PTPRC: variants seen among roughly 807,000 people sequenced by gnomAD.
The protein encoded by PTPRC is receptor-type tyrosine-protein phosphatase C.
PTPRC carries 44 observed loss-of-function variants against 155.9 expected under a neutral mutation model. The ratio of observed to expected loss-of-function variants is 0.28; its 90% CI spans 0.22 to 0.36. The LOEUF is 0.36. Ranked by LOEUF, PTPRC falls within the 10% of genes least tolerant of loss-of-function variation. The pLI is 1.00. For missense variants in PTPRC, 1,401 were observed against 1,564.6 expected (o/e 0.90, Z 1.76); for synonymous variants, 525 against 533.1 (o/e 0.98, Z 0.21).
At chr1:198,698,226 G>A (rs970305769) in intron 4 of PTPRC, among the ~76,000 whole-genome samples, 4 of 152,116 alleles carry the variant, frequency 2.6e-5, no homozygotes, top group African/African-American at 9.7e-5. Context: ...TTTACAGGTA[G>A]AGCAAAGTAT....
intron 2 of PTPRC, among the ~76,000 whole-genome samples, chr1:198,688,078 GGT>G (rs139116095): frequency 2.7e-4 from 40 of 148,376 alleles, no homozygotes; most frequent in East Asian, 3.9e-4. Flanking sequence ...TGGTGTGTGG[GGT>G]GTGTGTGTGT....
intron 26 of PTPRC, 50 bp from the exon 27 acceptor site, chr1:198,748,059 C>T: frequency 6.4e-7 from 1 of 1,554,802 alleles, no homozygotes; most frequent in African/African-American, 1.4e-5. Flanking sequence ...ATGCAATAAG[C>T]CAATATTTAC....
chr1:198,639,910 C>T (rs1302985406), intron 2 of PTPRC, among the ~76,000 whole-genome samples: 2 of 151,912 alleles, frequency 1.3e-5, no homozygotes, highest in African/African-American at 4.8e-5. Context: ...CAATTTTTAT[C>T]ACAGAATGTA....
intron 26 of PTPRC, among the ~76,000 whole-genome samples, chr1:198,745,908 C>T (rs1458583182): frequency 1.3e-5 from 2 of 151,592 alleles, no homozygotes; most frequent in African/African-American, 4.8e-5. Flanking sequence ...TTGAACATAT[C>T]AGAATAAATG....
intron 14 of PTPRC, among the ~76,000 whole-genome samples, chr1:198,719,805 T>G (rs1653794715): frequency 6.6e-6 from 1 of 152,094 alleles, no homozygotes; most frequent in Non-Finnish European, 1.5e-5. Context: ...GAGATAGGTT[T>G]TCACCATGTT....
intron 2 of PTPRC, among the ~76,000 whole-genome samples, chr1:198,669,396 C>G (rs1290158193): frequency 6.6e-6 from 1 of 152,152 alleles, no homozygotes; most frequent in Non-Finnish European, 1.5e-5. Flanking sequence ...TTTCTGGCCT[C>G]CTTTCATGTA....
At chr1:198,704,704 A>T (rs1666638330) in intron 8 of PTPRC, among the ~76,000 whole-genome samples, 1 of 152,200 alleles carries the variant, frequency 6.6e-6, no homozygotes, top group East Asian at 1.9e-4. Context: ...GAAATACAAG[A>T]GCGATGATGG....
At chr1:198,673,283 T>G (rs10922471) in intron 2 of PTPRC, among the ~76,000 whole-genome samples, 6,155 of 152,216 alleles carry the variant, frequency 0.04, 387 homozygotes, top group African/African-American at 0.13. Context: ...TGTGGCTATA[T>G]TTTGATCAAA....
chr1:198,738,167 G>A (rs143043185), intron 23 of PTPRC, among the ~76,000 whole-genome samples: 36 of 151,754 alleles, frequency 2.4e-4, no homozygotes, highest in African/African-American at 8.0e-4. Flanking sequence ...TTGTCTGATG[G>A]CTCTAGCTGG....
chr1:198,753,856 T>G (rs1208208917), intron 31 of PTPRC, among the ~76,000 whole-genome samples: 2 of 152,026 alleles, frequency 1.3e-5, no homozygotes, highest in African/African-American at 2.4e-5. Flanking sequence ...AAGAAGAGCA[T>G]GTGTTCTAGT....
rs1157494538 is a variant in PTPRC, at chr1:198,757,209, C to T, written c.*1028C>T. On this transcript the variant is annotated 3_prime_UTR_variant, in exon 33 of 33. Transcript: ENST00000442510. ...GCATTTACTTTGAATTTCTCCAATG[C>T]TTAGAATGTTTTTACCAGGAATGGA... 6.6e-6 allele frequency: 1 copy of T among 151,678 alleles called. No homozygotes were observed. Among genetic ancestry groups the T allele is most frequent in the Non-Finnish European group, 1.5e-5 (1 of 67,772 alleles). 9.4% of individuals were successfully genotyped at this position (151,678 alleles called of 1,614,324 possible).
intron 2 of PTPRC, among the ~76,000 whole-genome samples, chr1:198,641,801 A>C (rs16843559): frequency 6.6e-6 from 1 of 152,106 alleles, no homozygotes; most frequent in Non-Finnish European, 1.5e-5. Context: ...GAGGTATATG[A>C]TGAGTTTTGT....
At chr1:198,678,093 G>A (rs1410218610) in intron 2 of PTPRC, among the ~76,000 whole-genome samples, 2 of 152,160 alleles carry the variant, frequency 1.3e-5, no homozygotes, top group African/African-American at 4.8e-5. Flanking sequence ...CTTACAGTGA[G>A]TTTCAAAATT....
chr1:198,756,441 T>C lies in PTPRC; in HGVS notation c.*260T>C. 1 of 473,782 alleles carries C rather than the reference T, an allele frequency of 2.1e-6. No individual in the cohort carries two copies. Among genetic ancestry groups the C allele is most frequent in the Non-Finnish European group, 3.8e-6 (1 of 261,100 alleles). 29.3% of individuals were successfully genotyped at this position (473,782 alleles called of 1,614,324 possible). ...TCTTTGTAATCGTTATGTGTGTATA[T>C]GTATGTGTGTATGGGTGTGTGTTTG... On this transcript the variant is annotated 3_prime_UTR_variant, in exon 33 of 33. Coordinates refer to ENST00000442510, the MANE Select transcript of PTPRC (RefSeq NM_002838.5).
chr1:198,740,154 G>T (rs571866630), intron 23 of PTPRC, among the ~76,000 whole-genome samples: 1 of 151,444 alleles, frequency 6.6e-6, no homozygotes, highest in South Asian at 2.1e-4. Context: ...ACATTTCAAA[G>T]AACTAGAAAA....
intron 8 of PTPRC, 131 bp downstream of exon 8, chr1:198,704,629 A>G (rs1379515695): frequency 6.5e-7 from 1 of 1,536,920 alleles, no homozygotes; most frequent in East Asian, 2.3e-5. Context: ...ACCGATGACT[A>G]GTCTCAAATT....
At chr1:198,676,917 A>G (rs1664987618) in intron 2 of PTPRC, among the ~76,000 whole-genome samples, 1 of 152,208 alleles carries the variant, frequency 6.6e-6, no homozygotes, top group African/African-American at 2.4e-5. Context: ...GAGGGTAGGC[A>G]TATTTAGATT....
intron 2 of PTPRC, among the ~76,000 whole-genome samples, chr1:198,653,903 C>T (rs916238621): frequency 3.3e-5 from 5 of 151,748 alleles, no homozygotes; most frequent in Admixed American, 6.6e-5. Flanking sequence ...TCAGAGGTAA[C>T]GCTTCTTAAT....
At position 198,756,017 on chromosome 1, in the gene PTPRC, G is replaced by A. The variant is rs752249753; in HGVS notation, c.3757G>A (p.Asp1253Asn). ...TAAAATTGAATTTGATAATGAAGTG[G>A]ACAAAGTAAAGCAGGATGCTAATTG... Reference protein sequence around the residue: ...EDKIEFDNEVDKVKQDANCVN... With the variant: ...EDKIEFDNEVNKVKQDANCVN... The change falls in exon 33 of 33, where the codon GAC becomes AAC. Residue 1253 changes from aspartate (D) to asparagine (N), a missense_variant. Coordinates refer to ENST00000442510, the MANE Select transcript of PTPRC (RefSeq NM_002838.5). The A allele has an allele frequency of 1.2e-6, 2 of 1,613,388 alleles. No individual in the cohort carries two copies. Among genetic ancestry groups the A allele is most frequent in the Non-Finnish European group, 1.7e-6 (2 of 1,179,622 alleles).
Sources: allele counts gnomAD v4.1 joint callset (sites outside exome capture counted in the v4.1 genomes callset), GRCh38; gene constraint gnomAD v4.1.1; transcripts MANE v1.5; gene names NCBI Gene and HGNC (gene_info 2026-07-23, HGNC 2026-07-21).